SH3RF3: variants seen among roughly 807,000 people sequenced by gnomAD.
The protein encoded by SH3RF3 is E3 ubiquitin-protein ligase SH3RF3.
In SH3RF3, 29 loss-of-function variants were observed where a neutral mutation model predicts 66.3. The ratio of observed to expected loss-of-function variants is 0.44; its 90% CI spans 0.33 to 0.60. The LOEUF is 0.60. Ranked by LOEUF, SH3RF3 falls within the 20% of genes least tolerant of loss-of-function variation. SH3RF3 has a pLI of 0.04. For missense variants in SH3RF3, 1,194 were observed against 1,190.9 expected, an observed-to-expected ratio of 1.00 and a Z score of -0.04; for synonymous variants, 583 against 532.0, an observed-to-expected ratio of 1.10 and a Z score of -1.32.
chr2:109,455,530 A>G (rs1212063192), intron 8 of SH3RF3, among the ~76,000 whole-genome samples: 2 of 150,132 alleles, frequency 1.3e-5, no homozygotes, highest in Non-Finnish European at 3.0e-5. Context: ...GTGTGTTACT[A>G]TGGCATATAC....
At chr2:109,130,250 T>A in intron 1 of SH3RF3, 137 bp downstream of exon 1, 1 of 862,446 alleles carries the variant, frequency 1.2e-6, no homozygotes, top group Non-Finnish European at 1.5e-6. Context: ...TTGCTCTTCC[T>A]CCAACTTCGC....
intron 2 of SH3RF3, among the ~76,000 whole-genome samples, chr2:109,364,432 G>A (rs533637279): frequency 2.0e-5 from 3 of 152,258 alleles, no homozygotes; most frequent in East Asian, 1.9e-4. Context: ...TTTTGTATCC[G>A]TGATCTTTTA....
At chr2:109,221,062 A>T (rs1394353827) in intron 1 of SH3RF3, among the ~76,000 whole-genome samples, 1 of 152,230 alleles carries the variant, frequency 6.6e-6, no homozygotes, top group Non-Finnish European at 1.5e-5. Flanking sequence ...GTTGAGGAAT[A>T]TTCAGCCTTA....
At chr2:109,205,280 A>G (rs1194624430) in intron 1 of SH3RF3, among the ~76,000 whole-genome samples, 28 of 142,896 alleles carry the variant, frequency 2.0e-4, no homozygotes, top group Non-Finnish European at 2.8e-4. Context: ...TTTTTTTTTT[A>G]AACTGAGTCT....
chr2:109,442,737 G>C (rs1677605081), intron 7 of SH3RF3, among the ~76,000 whole-genome samples: 1 of 152,040 alleles, frequency 6.6e-6, no homozygotes, highest in Non-Finnish European at 1.5e-5. Flanking sequence ...TAAGCTAAAA[G>C]GGAATAAAAA....
intron 3 of SH3RF3, among the ~76,000 whole-genome samples, chr2:109,373,948 C>A (rs1264743391): frequency 6.8e-6 from 1 of 146,478 alleles, no homozygotes; most frequent in Admixed American, 6.7e-5. Context: ...GTCCAGCAGG[C>A]TCTCTGTCAT....
At position 109,449,167 on chromosome 2, in the gene SH3RF3, C is replaced by T; in HGVS notation, c.1829-3C>T. 3 of 1,612,878 alleles carry T rather than the reference C, an allele frequency of 1.9e-6. No homozygotes were observed. Among genetic ancestry groups the T allele is most frequent in the East Asian group, 2.2e-5 (1 of 44,840 alleles). On this transcript the variant is annotated splice_region_variant and splice_polypyrimidine_tract_variant and intron_variant, in intron 7 of 9. Transcript: ENST00000309415. Reference sequence around the variant, plus strand: ...CCTGCTGTCTCTCCAACCCCGTCTCCAGCTGCCCACTCTGCAGCCCAGGCT... The same window carrying T: ...CCTGCTGTCTCTCCAACCCCGTCTCTAGCTGCCCACTCTGCAGCCCAGGCT...
chr2:109,492,780 C>A (rs1020823535), intron 9 of SH3RF3, among the ~76,000 whole-genome samples: 5 of 152,074 alleles, frequency 3.3e-5, no homozygotes, highest in African/African-American at 1.2e-4. Context: ...TCAGCAGCAC[C>A]CCCAGTCCTG....
intron 8 of SH3RF3, among the ~76,000 whole-genome samples, chr2:109,462,846 A>G (rs987540250): frequency 1.3e-5 from 2 of 152,328 alleles, no homozygotes; most frequent in East Asian, 1.9e-4. Flanking sequence ...CCTGTGCTCC[A>G]TAAGCCCGTC....
intron 8 of SH3RF3, among the ~76,000 whole-genome samples, chr2:109,456,748 G>A (rs1433361355): frequency 6.6e-6 from 1 of 152,222 alleles, no homozygotes; most frequent in African/African-American, 2.4e-5. Flanking sequence ...GTCCAGAGAG[G>A]CAAGGTGACC....
At chr2:109,420,332 A>G (rs73955584) in intron 5 of SH3RF3, among the ~76,000 whole-genome samples, 7,230 of 152,288 alleles carry the variant, frequency 0.047, 484 homozygotes, top group African/African-American at 0.15. Context: ...TTGGCAAACA[A>G]GATGACATAA....
chr2:109,352,630 G>T (rs550026589), intron 2 of SH3RF3, among the ~76,000 whole-genome samples: 1 of 152,192 alleles, frequency 6.6e-6, no homozygotes, highest in Non-Finnish European at 1.5e-5. Context: ...TGGGCACCCC[G>T]CTTGGGCTAC....
At chr2:109,280,906 C>T (rs1680874147) in intron 1 of SH3RF3, among the ~76,000 whole-genome samples, 1 of 152,218 alleles carries the variant, frequency 6.6e-6, no homozygotes, top group Non-Finnish European at 1.5e-5. Flanking sequence ...ATTATCCTCA[C>T]TGCAAATGTG....
intron 2 of SH3RF3, among the ~76,000 whole-genome samples, chr2:109,355,494 A>T (rs1038248220): frequency 6.6e-6 from 1 of 152,260 alleles, no homozygotes; most frequent in African/African-American, 2.4e-5. Flanking sequence ...CTGTCATGCT[A>T]CAATGGAGGG....
chr2:109,284,117 C>T (rs187349345), intron 1 of SH3RF3, among the ~76,000 whole-genome samples: 14 of 152,260 alleles, frequency 9.2e-5, no homozygotes, highest in Admixed American at 7.8e-4. Context: ...AGACCTTGAA[C>T]GAACACATCC....
chr2:109,258,053 C>T (rs1290710746), intron 1 of SH3RF3, among the ~76,000 whole-genome samples: 2 of 152,188 alleles, frequency 1.3e-5, no homozygotes, highest in Non-Finnish European at 2.9e-5. Context: ...TGCTGACCCT[C>T]ACAGCCCTGC....
intron 1 of SH3RF3, among the ~76,000 whole-genome samples, chr2:109,297,020 G>C (rs1283373611): frequency 6.6e-6 from 1 of 152,082 alleles, no homozygotes; most frequent in Non-Finnish European, 1.5e-5. Context: ...CTGAGCACCT[G>C]CTGTATGCCT....
chr2:109,262,100 C>T (rs1680371113), intron 1 of SH3RF3, among the ~76,000 whole-genome samples: 1 of 152,164 alleles, frequency 6.6e-6, no homozygotes, highest in South Asian at 2.1e-4. Flanking sequence ...CCCACAGGTG[C>T]CCTCGGCCTC....
At chr2:109,201,490 C>G (rs1322153416) in intron 1 of SH3RF3, among the ~76,000 whole-genome samples, 1 of 152,174 alleles carries the variant, frequency 6.6e-6, no homozygotes, top group Admixed American at 6.5e-5. Flanking sequence ...TCTCTCTCCC[C>G]CTGGCTACCC....
Sources: gnomAD v4.1 joint callset for allele counts (sites outside exome capture counted in the v4.1 genomes callset) on GRCh38, gnomAD v4.1.1 for gene constraint, MANE v1.5 for transcripts, NCBI Gene and HGNC (gene_info 2026-07-23, HGNC 2026-07-21) for gene names.